TWSG1: variants seen among roughly 807,000 people sequenced by gnomAD.
TWSG1 encodes twisted gastrulation BMP signaling modulator 1, also known as twisted gastrulation protein homolog 1.
TWSG1 carries 15 observed loss-of-function variants against 23.0 expected under a neutral mutation model. The ratio of observed to expected loss-of-function variants is 0.65; its 90% CI spans 0.44 to 1.00. The LOEUF is 1.00. TWSG1 is among the 50% of genes least tolerant of loss of function. The pLI, the probability that TWSG1 is intolerant of heterozygous loss-of-function variation, is 0.00. For synonymous variants in TWSG1, 86 were observed against 92.8 expected (o/e 0.93, Z 0.42); for missense variants, 242 against 278.7 (o/e 0.87, Z 0.94).
At chr18:9,335,256 G>T (rs1352986912) in intron 1 of TWSG1, among the ~76,000 whole-genome samples, 2 of 152,244 alleles carry the variant, frequency 1.3e-5, no homozygotes, top group Non-Finnish European at 2.9e-5. Context: ...CTCGCGGGGC[G>T]TCCGGCGCCT....
intron 3 of TWSG1, among the ~76,000 whole-genome samples, chr18:9,395,638 C>G (rs1481112472): frequency 6.6e-6 from 1 of 152,154 alleles, no homozygotes; most frequent in Non-Finnish European, 1.5e-5. Flanking sequence ...ACAGTGATAG[C>G]TTACTGCTGC....
intron 3 of TWSG1, among the ~76,000 whole-genome samples, chr18:9,389,101 C>A (rs1461607430): frequency 1.3e-5 from 2 of 151,978 alleles, no homozygotes; most frequent in Non-Finnish European, 2.9e-5. Context: ...CTCAGCCTCC[C>A]GAGTAGCTGG....
chr18:9,396,416 T>C lies in TWSG1; in HGVS notation c.360T>C (p.Ser120=). ...GDTQLNWNIV[S]FPVAEELSHH... is the part of the protein sequence containing the mutation. ...CTCAGTTGAATTGGAACATCGTTTCTTTCCCTGTTGCAGAAGAACTTTCAC... is the reference window on the plus strand; with the variant it reads ...CTCAGTTGAATTGGAACATCGTTTCCTTCCCTGTTGCAGAAGAACTTTCAC... Residue 120 remains serine (S), a synonymous_variant, in exon 4 of 5, where the codon TCT becomes TCC. Coordinates refer to ENST00000262120, the MANE Select transcript of TWSG1 (RefSeq NM_020648.6). The C allele has an allele frequency of 1.2e-6, 2 of 1,614,194 alleles. No homozygotes were observed. Among genetic ancestry groups the C allele is most frequent in the Non-Finnish European group, 1.7e-6 (2 of 1,180,036 alleles).
intron 2 of TWSG1, among the ~76,000 whole-genome samples, chr18:9,354,079 T>A (rs2040514116): frequency 6.6e-6 from 1 of 152,240 alleles, no homozygotes; most frequent in Non-Finnish European, 1.5e-5. Flanking sequence ...TAACTGTAAT[T>A]ATTAAAATGT....
chr18:9,366,018 G>T (rs188754833), intron 3 of TWSG1, among the ~76,000 whole-genome samples: 1 of 152,084 alleles, frequency 6.6e-6, no homozygotes, highest in East Asian at 1.9e-4. Flanking sequence ...AAAAATAAAA[G>T]AAAAAATTAA....
intron 2 of TWSG1, among the ~76,000 whole-genome samples, chr18:9,358,726 A>G (rs2040538611): frequency 6.6e-6 from 1 of 152,168 alleles, no homozygotes; most frequent in Non-Finnish European, 1.5e-5. Context: ...TGCAATGGCC[A>G]TATGTTGATG....
rs944328282 is a variant in TWSG1 at position 9,334,780 on chromosome 18, C to CCGA, written c.-177_-175dup. On this transcript the variant is annotated 5_prime_UTR_variant, in exon 1 of 5. Coordinates refer to ENST00000262120, the MANE Select transcript of TWSG1 (RefSeq NM_020648.6). The surrounding 1 kb of genome is among the most constrained non-coding windows in gnomAD (Gnocchi z 4.7). The stretch of plus-strand genomic sequence containing the variant: ...GGGCGGGCCTGTCTCTTTAAGGTGC[C>CCGA]CGAGGCTCGCGGGCGCTGCGCTGAG... 3.9e-5 allele frequency: 6 copies of CCGA among 152,128 alleles called. No individual in the cohort carries two copies. The highest frequency in any genetic ancestry group is 1.5e-4 in the African/African-American group (6 of 41,360). 9.4% of individuals were successfully genotyped at this position (152,128 alleles called of 1,614,324 possible).
At chr18:9,398,369 G>C (rs2040747599) in intron 4 of TWSG1, among the ~76,000 whole-genome samples, 1 of 152,122 alleles carries the variant, frequency 6.6e-6, no homozygotes, top group Non-Finnish European at 1.5e-5. Flanking sequence ...TTTTTTCTCT[G>C]TGACATCTTT....
chr18:9,375,315 A>G (rs1201736356), intron 3 of TWSG1, among the ~76,000 whole-genome samples: 2 of 152,178 alleles, frequency 1.3e-5, no homozygotes, highest in African/African-American at 4.8e-5. Flanking sequence ...CTCTCAGCAA[A>G]CTAGGACTAG....
At chr18:9,384,765 C>T (rs1445336423) in intron 3 of TWSG1, among the ~76,000 whole-genome samples, 2 of 151,948 alleles carry the variant, frequency 1.3e-5, no homozygotes, top group African/African-American at 2.4e-5. Flanking sequence ...CTTGCCTCAG[C>T]CTCCCGAGTA....
chr18:9,391,571 G>T (rs1215180371), intron 3 of TWSG1, among the ~76,000 whole-genome samples: 1 of 152,158 alleles, frequency 6.6e-6, no homozygotes, highest in Non-Finnish European at 1.5e-5. Context: ...GCATATGGAG[G>T]CACTTCCTGC....
intron 1 of TWSG1, among the ~76,000 whole-genome samples, chr18:9,335,300 C>T (rs2040417762): frequency 6.6e-6 from 1 of 152,258 alleles, no homozygotes; most frequent in African/African-American, 2.4e-5. Context: ...AGAGGCTCGG[C>T]TCTGCCCTGG....
chr18:9,357,225 T>G (rs1300844666), intron 2 of TWSG1, among the ~76,000 whole-genome samples: 1 of 152,212 alleles, frequency 6.6e-6, no homozygotes, highest in African/African-American at 2.4e-5. Context: ...AGTTACCTAA[T>G]GTCTATGTCA....
intron 3 of TWSG1, among the ~76,000 whole-genome samples, chr18:9,384,848 G>T (rs751867825): frequency 3.6e-4 from 54 of 152,048 alleles, no homozygotes; most frequent in Non-Finnish European, 6.5e-4. Flanking sequence ...ATTTCACCCT[G>T]TTGGCCAGGC....
chr18:9,392,878 G>A (rs1310820782), intron 3 of TWSG1, among the ~76,000 whole-genome samples: 4 of 152,108 alleles, frequency 2.6e-5, no homozygotes, highest in African/African-American at 7.2e-5. Context: ...GGGAAAAGGA[G>A]GCCAAAAGAG....
At position 9,356,281 on chromosome 18, in the gene TWSG1, T is replaced by C. The variant is rs529897667; in HGVS notation, c.124-3691T>C. Among the ~76,000 whole-genome samples, 6 of 152,322 alleles carry C rather than the reference T, an allele frequency of 3.9e-5. No individual in the cohort carries two copies. The South Asian group carries it at 1.0e-3, about 26-fold the overall frequency. On this transcript the variant is annotated intron_variant, in intron 2 of 4. Transcript: ENST00000262120. ...AGGCATCTATTAAGAGGGTGTGAAA[T>C]ACATTTAATCTTCAGAGCTAGATAA... is the stretch of plus-strand genomic sequence containing the variant.
At chr18:9,340,144 G>A (rs988376260) in intron 2 of TWSG1, among the ~76,000 whole-genome samples, 5 of 151,966 alleles carry the variant, frequency 3.3e-5, no homozygotes, top group Admixed American at 6.5e-5. Context: ...CGAGGCGGGC[G>A]GATCACAAGG....
At chr18:9,364,521 G>A (rs748027135) in intron 3 of TWSG1, among the ~76,000 whole-genome samples, 3 of 152,168 alleles carry the variant, frequency 2.0e-5, no homozygotes, top group Non-Finnish European at 4.4e-5. Context: ...AGCCAGGTGT[G>A]GTGGCTCACG....
chr18:9,346,785 A>G (rs1311018592), intron 2 of TWSG1, among the ~76,000 whole-genome samples: 4 of 152,214 alleles, frequency 2.6e-5, no homozygotes, highest in Non-Finnish European at 5.9e-5. Flanking sequence ...TAAAGCTGCT[A>G]TAACCATCCA....
Sources: gnomAD v4.1 joint callset for allele counts (sites outside exome capture counted in the v4.1 genomes callset) on GRCh38, gnomAD v4.1.1 for gene constraint, Gnocchi (gnomAD v3.1) non-coding constraint, MANE v1.5 for transcripts, NCBI Gene and HGNC (gene_info 2026-07-23, HGNC 2026-07-21) for gene names.